The following DOCK3 variants were observed in gnomAD, a reference collection of about 807,000 sequenced individuals.
DOCK3 encodes dedicator of cytokinesis protein 3.
In DOCK3, 60 loss-of-function variants were observed where a neutral mutation model predicts 265.6. The ratio of observed to expected loss-of-function variants is 0.23; its 90% CI spans 0.18 to 0.28. DOCK3 has a LOEUF of 0.28. Ranked by LOEUF, DOCK3 falls within the 10% of genes least tolerant of loss-of-function variation. The pLI, the probability that DOCK3 is intolerant of heterozygous loss-of-function variation, is 1.00. For missense variants in DOCK3, 1,981 were observed against 2,594.3 expected (o/e 0.76, Z 5.14); for synonymous variants, 881 against 938.0 (o/e 0.94, Z 1.11).
At chr3:50,800,309 C>G (rs1035088989) in intron 2 of DOCK3, among the ~76,000 whole-genome samples, 7 of 152,094 alleles carry the variant, frequency 4.6e-5, no homozygotes, top group African/African-American at 1.7e-4. Flanking sequence ...TTTGGTGAAG[C>G]CATTATTTTT....
chr3:51,240,005 C>T (rs938586958), intron 21 of DOCK3, among the ~76,000 whole-genome samples: 7 of 152,056 alleles, frequency 4.6e-5, no homozygotes, highest in Non-Finnish European at 8.8e-5. Context: ...TTGGTTTGCT[C>T]TTAGTTCTCT....
chr3:50,676,712 CG>C (rs2033986491), intron 1 of DOCK3, among the ~76,000 whole-genome samples: 1 of 684 alleles, frequency 1.5e-3, no homozygotes, highest in Non-Finnish European at 2.9e-3. Context: ...CCTATTTTGG[CG>C]GGGGTGGGGG....
chr3:51,139,987 G>A lies in DOCK3; in HGVS notation c.747-6562G>A, dbSNP rs192364445. ...ATGAGATGGGGCTGTAAGATAGGCC[G>A]AGTCAATTGTTTCACACAAGGCCAT... On this transcript the variant is annotated intron_variant, in intron 9 of 52. Coordinates refer to ENST00000266037, the MANE Select transcript of DOCK3 (RefSeq NM_004947.5). Among the ~76,000 whole-genome samples, 15 of 152,302 alleles carry A rather than the reference G, an allele frequency of 9.8e-5. No individual in the cohort carries two copies. The East Asian group carries it at 2.9e-3, about 29-fold the overall frequency.
At chr3:51,332,204 G>C (rs1394318893) in intron 33 of DOCK3, among the ~76,000 whole-genome samples, 1 of 152,210 alleles carries the variant, frequency 6.6e-6, no homozygotes, top group Admixed American at 6.5e-5. Context: ...GTGTGGAAAG[G>C]AATCAGGAAT....
chr3:51,005,459 G>A lies in DOCK3; in HGVS notation c.316-58989G>A, dbSNP rs767727852. Among the ~76,000 whole-genome samples, 65 of 152,152 alleles carry A rather than the reference G, an allele frequency of 4.3e-4. 1 individual carries two copies. The highest frequency in any genetic ancestry group is 7.4e-4 in the Non-Finnish European group (50 of 68,002). ...CCTTGAACTTCCTTCAATGCATATT[G>A]CTTCCTTGAACTCCACACTTTTAAC... On this transcript the variant is annotated intron_variant, in intron 5 of 52. Coordinates refer to ENST00000266037, the MANE Select transcript of DOCK3 (RefSeq NM_004947.5).
intron 12 of DOCK3, among the ~76,000 whole-genome samples, chr3:51,190,653 A>G (rs562457688): frequency 1.3e-4 from 20 of 152,316 alleles, no homozygotes; most frequent in African/African-American, 4.8e-4. Context: ...AAAGAGCACC[A>G]CCTGCTGTAG....
chr3:51,280,091 TG>T lies in DOCK3; in HGVS notation c.2824-12del. The T allele has an allele frequency of 6.2e-7, 1 of 1,611,906 alleles. No homozygotes were observed. Among genetic ancestry groups the T allele is most frequent in the Non-Finnish European group, 8.5e-7 (1 of 1,178,904 alleles). On this transcript the variant is annotated splice_polypyrimidine_tract_variant and intron_variant, in intron 26 of 52. Transcript: ENST00000266037. The stretch of plus-strand genomic sequence containing the variant: ...CAATTGGCCATGCTAAGTGTTTTTT[TG>T]GGTTGGTCCCTAGGGCGAGTATGTG...
chr3:50,992,359 G>A (rs548723131), intron 5 of DOCK3, among the ~76,000 whole-genome samples: 7 of 152,278 alleles, frequency 4.6e-5, no homozygotes, highest in East Asian at 3.9e-4. Context: ...GTGAAGTGGC[G>A]TGATCTCAGC....
chr3:51,134,809 G>T (rs541349601), intron 9 of DOCK3, among the ~76,000 whole-genome samples: 1 of 152,260 alleles, frequency 6.6e-6, no homozygotes, highest in South Asian at 2.1e-4. Context: ...GGAAATAACA[G>T]ATAAAGCATG....
At chr3:51,166,104 G>A (rs1453323551) in intron 12 of DOCK3, among the ~76,000 whole-genome samples, 1 of 143,802 alleles carries the variant, frequency 7.0e-6, no homozygotes, top group Non-Finnish European at 1.5e-5. Flanking sequence ...AGGCTGGAAT[G>A]CAATGGCGCA....
chr3:50,927,181 A>T (rs2050799520), intron 4 of DOCK3, among the ~76,000 whole-genome samples: 1 of 152,080 alleles, frequency 6.6e-6, no homozygotes, highest in Non-Finnish European at 1.5e-5. Flanking sequence ...CCTTTTCTGA[A>T]ATCTTCTCAG....
At chr3:51,277,876 C>T in intron 26 of DOCK3, 122 bp downstream of exon 26, 1 of 1,522,320 alleles carries the variant, frequency 6.6e-7, no homozygotes, top group Non-Finnish European at 8.8e-7. Flanking sequence ...GCATGGTTGT[C>T]AGCATGCTGC....
intron 2 of DOCK3, among the ~76,000 whole-genome samples, chr3:50,788,853 C>A (rs530682940): frequency 6.6e-6 from 1 of 152,244 alleles, no homozygotes; most frequent in Admixed American, 6.5e-5. Flanking sequence ...CGAGTGGCTG[C>A]GAGGGCGCGT....
In DOCK3 at chr3:51,046,157, A is replaced by G. The variant is rs78972187; in HGVS notation, c.316-18291A>G. ...CACTACAAAAAATCATTAAATCACA[A>G]AGGAAGAGAGGAGGAGGGGAACAAC... On this transcript the variant is annotated intron_variant, in intron 5 of 52. Transcript: ENST00000266037. Among the ~76,000 whole-genome samples, 1,008 of 152,336 alleles carry G rather than the reference A, an allele frequency of 6.6e-3. 6 individuals are homozygous for G. The highest frequency in any genetic ancestry group is 0.023 in the African/African-American group (943 of 41,582).
chr3:51,008,087 A>G (rs949236562), intron 5 of DOCK3, among the ~76,000 whole-genome samples: 2 of 152,086 alleles, frequency 1.3e-5, no homozygotes, highest in African/African-American at 4.8e-5. Flanking sequence ...TTGGCTTAGG[A>G]TTGTGTTGGC....
chr3:50,924,844 G>A (rs1417661215), intron 4 of DOCK3, among the ~76,000 whole-genome samples: 8 of 152,198 alleles, frequency 5.3e-5, no homozygotes. Flanking sequence ...TGAATTTACA[G>A]GACACTGGGG....
At chr3:50,877,679 T>TC (rs2047779721) in intron 3 of DOCK3, 1 of 367,470 alleles carries the variant, frequency 2.7e-6, no homozygotes, top group Admixed American at 3.7e-5. Flanking sequence ...TCTTTTCTTT[T>TC]CTTTTTCTTT....
intron 3 of DOCK3, among the ~76,000 whole-genome samples, chr3:50,869,095 C>T (rs1353881000): frequency 2.7e-5 from 4 of 149,722 alleles, no homozygotes; most frequent in African/African-American, 9.8e-5. Context: ...CTGCCTCAGC[C>T]TCCTGAGTAG....
At chr3:50,951,694 A>T (rs968855219) in intron 5 of DOCK3, among the ~76,000 whole-genome samples, 1 of 152,160 alleles carries the variant, frequency 6.6e-6, no homozygotes, top group African/African-American at 2.4e-5. Flanking sequence ...TCTCATAATT[A>T]GTTTTAATTT....
Sources: allele counts gnomAD v4.1 joint callset (sites outside exome capture counted in the v4.1 genomes callset), GRCh38; gene constraint gnomAD v4.1.1; transcripts MANE v1.5; gene names NCBI Gene and HGNC (gene_info 2026-07-23, HGNC 2026-07-21).